Variants in PCDHGA1 observed in about 807,000 individuals in gnomAD.
The protein encoded by PCDHGA1 is protocadherin gamma-A1.
In PCDHGA1, 32 loss-of-function variants were observed where a neutral mutation model predicts 58.0. The observed-to-expected ratio is 0.55, with a 90% confidence interval of 0.42 to 0.74. PCDHGA1 has a LOEUF of 0.74. Ranked by LOEUF, PCDHGA1 falls within the 30% of genes least tolerant of loss-of-function variation. The pLI, the probability that PCDHGA1 is intolerant of heterozygous loss-of-function variation, is 0.00. For missense variants in PCDHGA1, 1,205 were observed against 1,182.3 expected (o/e 1.02, Z -0.28); for synonymous variants, 498 against 501.1 (o/e 0.99, Z 0.08).
chr5:141,350,201 G>T, intron 1 of PCDHGA1: 2 of 1,440,872 alleles, frequency 1.4e-6, no homozygotes, highest in Non-Finnish European at 1.8e-6. Context: ...AGTCCAGGGT[G>T]CTGCCATTTC....
At chr5:141,426,398 C>A (rs1264385461) in intron 1 of PCDHGA1, 3 of 257,270 alleles carry the variant, frequency 1.2e-5, no homozygotes, top group Non-Finnish European at 2.3e-5. Context: ...TACTCTATTC[C>A]AGAAGAAACG....
intron 1 of PCDHGA1, chr5:141,409,189 C>T (rs1216028242): frequency 6.2e-7 from 1 of 1,613,918 alleles, no homozygotes; most frequent in Admixed American, 1.7e-5. Flanking sequence ...GTCTCTCTAC[C>T]CAGTGTAAAG....
rs1338193610 is a variant in PCDHGA1 at position 141,344,111 on chromosome 5, A to C, written c.2421+11006A>C. 5 of 1,613,902 alleles carry C rather than the reference A, an allele frequency of 3.1e-6. No homozygotes were observed. The African/African-American group carries it at 5.3e-5, about 17-fold the overall frequency. ...CGCTCCTGGGGACGCTGTGCGAAAC[A>C]GGATCCGGTCAGATCCGCTACTCGG... On this transcript the variant is annotated intron_variant, in intron 1 of 3. Coordinates refer to ENST00000517417, the MANE Select transcript of PCDHGA1 (RefSeq NM_018912.3).
rs1363891858 is a variant in PCDHGA1, at chr5:141,491,369, C to T, written c.2422-3438C>T. 8.7e-6 allele frequency: 14 copies of T among 1,614,110 alleles called. No homozygotes were observed. Among genetic ancestry groups the T allele is most frequent in the East Asian group, 2.2e-5 (1 of 44,866 alleles). On this transcript the variant is annotated intron_variant, in intron 1 of 3. Coordinates refer to ENST00000517417, the MANE Select transcript of PCDHGA1 (RefSeq NM_018912.3). The surrounding 1 kb of genome is among the most constrained non-coding windows in gnomAD (Gnocchi z 6.9). ...AGTCTCTTATCCCTAGTCACCTTCACCTTTCTGTCAGCGAAGTGCCTTCAG... is the reference window on the plus strand; with the variant it reads ...AGTCTCTTATCCCTAGTCACCTTCATCTTTCTGTCAGCGAAGTGCCTTCAG...
intron 2 of PCDHGA1, among the ~76,000 whole-genome samples, chr5:141,501,290 T>TAC (rs55762287): frequency 0.12 from 16,682 of 135,960 alleles, 995 homozygotes; most frequent in African/African-American, 0.18. Flanking sequence ...TATTCCCTTA[T>TAC]ACACACACAC....
intron 1 of PCDHGA1, chr5:141,410,592 T>C: frequency 1.2e-6 from 2 of 1,609,264 alleles, no homozygotes; most frequent in Non-Finnish European, 1.7e-6. Context: ...GGGGAGGATT[T>C]GACTTCACAT....
At chr5:141,343,817 G>C (rs1299443992) in intron 1 of PCDHGA1, 5 of 476,310 alleles carry the variant, frequency 1.0e-5, no homozygotes, top group Non-Finnish European at 1.8e-5. Flanking sequence ...AACGCAGCTG[G>C]AGAACTAGTC....
rs563064161 is a variant in PCDHGA1, at chr5:141,349,228, C to T, written c.2421+16123C>T. On this transcript the variant is annotated intron_variant, in intron 1 of 3. Transcript: ENST00000517417. ...GGCGTTACAGGTACCCGCCACCATG[C>T]CTGGATAATTTTTATTTTTTTTAGT... Among the ~76,000 whole-genome samples the T allele has an allele frequency of 4.4e-5, 5 of 114,132 alleles. No individual in the cohort carries two copies. In the South Asian group the frequency reaches 1.2e-3, roughly 28 times the overall value. 74.9% of individuals were successfully genotyped at this position (114,132 alleles called of 152,430 possible).
chr5:141,363,100 A>G (rs1762808567), intron 1 of PCDHGA1, among the ~76,000 whole-genome samples: 3 of 152,266 alleles, frequency 2.0e-5, no homozygotes, highest in Admixed American at 2.0e-4. Context: ...AAGGACAGGC[A>G]ATGTTTGAGG....
At chr5:141,449,450 T>C (rs1269861041) in intron 1 of PCDHGA1, among the ~76,000 whole-genome samples, 2 of 151,216 alleles carry the variant, frequency 1.3e-5, no homozygotes, top group Non-Finnish European at 2.9e-5. Context: ...CTACTAAAAA[T>C]ACAAAAATTA....
At chr5:141,407,874 T>C (rs2094995185) in intron 1 of PCDHGA1, 1 of 358,496 alleles carries the variant, frequency 2.8e-6, no homozygotes, top group South Asian at 5.6e-5. Context: ...GAAGAATATA[T>C]ACATTTCGGA....
chr5:141,426,873 C>T (rs1299082117), intron 1 of PCDHGA1: 1 of 456,702 alleles, frequency 2.2e-6, no homozygotes, highest in East Asian at 6.9e-5. Context: ...GCTGGAGAAG[C>T]CCCTGGGCCA....
rs201073884 is a variant in PCDHGA1 at position 141,486,264 on chromosome 5, A to C, written c.2422-8543A>C. On this transcript the variant is annotated intron_variant, in intron 1 of 3. Coordinates refer to ENST00000517417, the MANE Select transcript of PCDHGA1 (RefSeq NM_018912.3). This position sits in a 1 kb window ranked among gnomAD's most constrained non-coding sequence, Gnocchi z 5.0. The stretch of plus-strand genomic sequence containing the variant: ...CTTGGAACCCTCCCCGAGAGTGCAG[A>C]ACCTGGCACTGTGGTGGCACTTATC... 8 of 1,614,032 alleles carry C rather than the reference A, an allele frequency of 5.0e-6. No individual in the cohort carries two copies. The East Asian group carries it at 1.6e-4, about 31-fold the overall frequency.
chr5:141,427,768 A>C (rs1003238906), intron 1 of PCDHGA1: 4 of 1,393,994 alleles, frequency 2.9e-6, no homozygotes, highest in Non-Finnish European at 4.0e-6. Context: ...ACTGACTTGG[A>C]GCTGCGGGCA....
At chr5:141,459,775 T>C (rs377188083) in intron 1 of PCDHGA1, among the ~76,000 whole-genome samples, 8 of 152,362 alleles carry the variant, frequency 5.3e-5, no homozygotes, top group African/African-American at 1.4e-4. Flanking sequence ...TACTATCTCA[T>C]TGAAGTTTCA....
rs745658462 is a variant in PCDHGA1 at position 141,414,720 on chromosome 5, T to C, written c.2422-80087T>C. 6 of 1,614,132 alleles carry C rather than the reference T, an allele frequency of 3.7e-6. No homozygotes were observed. The East Asian group carries it at 1.3e-4, about 36-fold the overall frequency. ...CATACATATCCATCAACTCAGACAC[T>C]GGCGTCCTGTATGCACTCAGATCCT... On this transcript the variant is annotated intron_variant, in intron 1 of 3. Coordinates refer to ENST00000517417, the MANE Select transcript of PCDHGA1 (RefSeq NM_018912.3).
In PCDHGA1 at chr5:141,476,321, G is replaced by GT; in HGVS notation, c.2422-18485dup. ...CCTCTCAGCCCGCAGGTTCCGGGTG[G>GT]TGTCTGGAGCTAGCCGAAGATTCTT... On this transcript the variant is annotated intron_variant, in intron 1 of 3. Coordinates refer to ENST00000517417, the MANE Select transcript of PCDHGA1 (RefSeq NM_018912.3). The surrounding 1 kb of genome is among the most constrained non-coding windows in gnomAD (Gnocchi z 7.6). The GT allele has an allele frequency of 6.2e-7, 1 of 1,614,196 alleles. No individual in the cohort carries two copies. Among genetic ancestry groups the GT allele is most frequent in the Non-Finnish European group, 8.5e-7 (1 of 1,180,050 alleles).
intron 1 of PCDHGA1, chr5:141,365,848 C>A: frequency 6.2e-7 from 1 of 1,614,008 alleles, no homozygotes; most frequent in Non-Finnish European, 8.5e-7. Flanking sequence ...CCTATGTATC[C>A]ATTAACTCTG....
rs1457243337 is a variant in PCDHGA1 at position 141,493,567 on chromosome 5, C to T, written c.2422-1240C>T. Reference sequence around the variant, plus strand: ...TTTGGAGATTGAGTTCCCCCAGCTCCGTTTCCTCCTATCACAATCACTGCA... The same window carrying T: ...TTTGGAGATTGAGTTCCCCCAGCTCTGTTTCCTCCTATCACAATCACTGCA... On this transcript the variant is annotated intron_variant, in intron 1 of 3. Transcript: ENST00000517417. This position sits in a 1 kb window ranked among gnomAD's most constrained non-coding sequence, Gnocchi z 4.3. Among the ~76,000 whole-genome samples, 3 of 152,266 alleles carry T rather than the reference C, an allele frequency of 2.0e-5. No individual in the cohort carries two copies. The highest frequency in any genetic ancestry group is 4.4e-5 in the Non-Finnish European group (3 of 68,018).
Sources: gnomAD v4.1 joint callset for allele counts (sites outside exome capture counted in the v4.1 genomes callset) on GRCh38, gnomAD v4.1.1 for gene constraint, Gnocchi (gnomAD v3.1) non-coding constraint, MANE v1.5 for transcripts, NCBI Gene and HGNC (gene_info 2026-07-23, HGNC 2026-07-21) for gene names.